Variants in PDE11A observed in about 807,000 individuals in gnomAD.
PDE11A encodes phosphodiesterase 11A.
A neutral mutation model predicts 100.5 loss-of-function variants in PDE11A; 100 were observed. That is an observed-to-expected ratio of 1.00 (90% confidence interval 0.85 to 1.18). The LOEUF (loss-of-function observed/expected upper bound fraction) is 1.18. Ranked by LOEUF, PDE11A falls within the 50% of genes most tolerant of loss-of-function variation. PDE11A has a pLI of 0.00. For missense variants in PDE11A, 1,141 were observed against 1,152.6 expected (o/e 0.99, Z 0.15); for synonymous variants, 381 against 420.8 (o/e 0.91, Z 1.16).
chr2:177,712,248 T>C (rs1182241729), intron 12 of PDE11A, among the ~76,000 whole-genome samples: 2 of 152,074 alleles, frequency 1.3e-5, no homozygotes, highest in African/African-American at 4.8e-5. Flanking sequence ...GGTTGGAGGT[T>C]GGGGAATAGG....
chr2:177,826,676 G>T (rs903263038), intron 6 of PDE11A, among the ~76,000 whole-genome samples: 3 of 152,210 alleles, frequency 2.0e-5, no homozygotes, highest in Non-Finnish European at 2.9e-5. Flanking sequence ...AAGTCTGTTG[G>T]ATTCTTAGAA....
At chr2:177,974,464 G>T (rs1411419368) in intron 2 of PDE11A, among the ~76,000 whole-genome samples, 3 of 51,478 alleles carry the variant, frequency 5.8e-5, no homozygotes, top group Admixed American at 1.8e-4. Context: ...CGTCTGATTG[G>T]TGTACCTGAA....
intron 12 of PDE11A, among the ~76,000 whole-genome samples, chr2:177,717,357 G>C (rs1255452082): frequency 1.3e-5 from 2 of 150,504 alleles, no homozygotes; most frequent in Non-Finnish European, 2.9e-5. Flanking sequence ...TGCACGTACT[G>C]ATATTGAGTA....
At chr2:177,857,850 T>A (rs574466543) in intron 5 of PDE11A, among the ~76,000 whole-genome samples, 1 of 152,086 alleles carries the variant, frequency 6.6e-6, no homozygotes, top group African/African-American at 2.4e-5. Context: ...AAAGTATATA[T>A]ATTATACCAT....
At chr2:178,010,292 T>C (rs761113713) in intron 2 of PDE11A, among the ~76,000 whole-genome samples, 25 of 152,222 alleles carry the variant, frequency 1.6e-4, no homozygotes, top group Non-Finnish European at 3.1e-4. Flanking sequence ...GTTTTCTTAC[T>C]TGTAGGCAAC....
intron 2 of PDE11A, among the ~76,000 whole-genome samples, chr2:177,929,400 A>G (rs9288011): frequency 0.086 from 13,160 of 152,284 alleles, 541 homozygotes; most frequent in South Asian, 0.1. Flanking sequence ...AGACCTAAAC[A>G]GATATTTAGT....
intron 2 of PDE11A, among the ~76,000 whole-genome samples, chr2:178,097,004 A>T (rs571282901): frequency 3.9e-5 from 6 of 152,104 alleles, no homozygotes; most frequent in African/African-American, 1.4e-4. Context: ...CTCCTGCCTC[A>T]GCCTCCTGAG....
intron 19 of PDE11A, among the ~76,000 whole-genome samples, chr2:177,631,096 T>G (rs72941567): frequency 0.015 from 2,264 of 149,786 alleles, 22 homozygotes; most frequent in Non-Finnish European, 0.024. Flanking sequence ...AGATAGACAC[T>G]ACTAACTTTT....
intron 10 of PDE11A, among the ~76,000 whole-genome samples, chr2:177,760,677 G>A (rs980739142): frequency 6.6e-6 from 1 of 152,104 alleles, no homozygotes; most frequent in Non-Finnish European, 1.5e-5. Flanking sequence ...TTAACCAAAA[G>A]GTCTGGTGGT....
At chr2:177,857,685 A>C (rs1223380282) in intron 5 of PDE11A, among the ~76,000 whole-genome samples, 1 of 152,050 alleles carries the variant, frequency 6.6e-6, no homozygotes, top group Non-Finnish European at 1.5e-5. Flanking sequence ...ATCCTACTTT[A>C]TCACTAGTTA....
At chr2:177,803,917 A>G (rs2082829716) in intron 9 of PDE11A, among the ~76,000 whole-genome samples, 1 of 152,032 alleles carries the variant, frequency 6.6e-6, no homozygotes, top group East Asian at 1.9e-4. Context: ...CATATGCAGA[A>G]GAATGAAACT....
At chr2:177,664,044 T>C (rs563545336) in intron 18 of PDE11A, 95 bp from the exon 19 acceptor site, 6 of 763,068 alleles carry the variant, frequency 7.9e-6, no homozygotes, top group Non-Finnish European at 1.4e-5. Flanking sequence ...CCATTTTTTT[T>C]ACAAACTGAA....
At chr2:177,664,517 C>T (rs1366764842) in intron 18 of PDE11A, among the ~76,000 whole-genome samples, 1 of 152,020 alleles carries the variant, frequency 6.6e-6, no homozygotes, top group Non-Finnish European at 1.5e-5. Context: ...GGTGGGTGGA[C>T]TCATTATCTC....
rs192949081 is a variant in PDE11A, at chr2:177,873,581, C to T, written c.1367+2278G>A. ...TTCACCCTTTTTTAGGTAAATTTCTCCAAGTTTTGACAAATACAGTTGTAT... is the reference window on the plus strand; with the variant it reads ...TTCACCCTTTTTTAGGTAAATTTCTTCAAGTTTTGACAAATACAGTTGTAT... On this transcript the variant is annotated intron_variant, in intron 5 of 19. Transcript: ENST00000286063. 6.8e-3 allele frequency among the ~76,000 whole-genome samples: 1,031 copies of T among 152,206 alleles called. 7 individuals carry two copies. Among genetic ancestry groups the T allele is most frequent in the Non-Finnish European group, 0.012 (829 of 68,004 alleles).
intron 12 of PDE11A, among the ~76,000 whole-genome samples, chr2:177,724,709 A>G (rs2081575221): frequency 6.6e-6 from 1 of 152,098 alleles, no homozygotes; most frequent in African/African-American, 2.4e-5. Context: ...TTTTGTTGCT[A>G]TCTCTTTTAG....
At chr2:178,089,522 A>G (rs1226876327) in intron 2 of PDE11A, among the ~76,000 whole-genome samples, 1 of 152,202 alleles carries the variant, frequency 6.6e-6, no homozygotes, top group African/African-American at 2.4e-5. Flanking sequence ...AGAGGATTAG[A>G]TATCAAAGCT....
intron 19 of PDE11A, among the ~76,000 whole-genome samples, chr2:177,650,420 C>A (rs1452372781): frequency 6.6e-6 from 1 of 152,058 alleles, no homozygotes; most frequent in Non-Finnish European, 1.5e-5. Context: ...TTAAATTATC[C>A]ATTTATCTTC....
chr2:177,637,997 A>ATATTTTTTTT (rs1433320166), intron 19 of PDE11A, among the ~76,000 whole-genome samples: 1 of 106,536 alleles, frequency 9.4e-6, no homozygotes, highest in Non-Finnish European at 1.8e-5. Flanking sequence ...ATATATATAT[A>ATATTTTTTTT]TTTTTTTTTT....
chr2:177,953,381 C>T (rs1303003319), intron 2 of PDE11A: 1 of 151,950 alleles, frequency 6.6e-6, no homozygotes, highest in Non-Finnish European at 1.5e-5. Context: ...AATATATTCA[C>T]AAAGAAAAAC....
Sources: allele counts gnomAD v4.1 joint callset (sites outside exome capture counted in the v4.1 genomes callset), GRCh38; gene constraint gnomAD v4.1.1; transcripts MANE v1.5; gene names NCBI Gene and HGNC (gene_info 2026-07-23, HGNC 2026-07-21).